MED27: variants seen among roughly 807,000 people sequenced by gnomAD.
The protein encoded by MED27 is mediator complex subunit 27.
Under a neutral mutation model 38.2 loss-of-function variants are expected in MED27, and 30 were observed. The observed-to-expected ratio is 0.79, with a 90% CI of 0.59 to 1.07. The LOEUF (loss-of-function observed/expected upper bound fraction) is 1.07. Among genes scored for constraint, MED27 ranks in the 50% least tolerant of loss-of-function variants. The pLI, the probability that MED27 is intolerant of heterozygous loss-of-function variation, is 0.00. For missense variants in MED27, 289 were observed against 397.5 expected (o/e 0.73, Z 2.32); for synonymous variants, 122 against 153.5 (o/e 0.79, Z 1.52).
At chr9:131,969,315 C>T (rs565037275) in intron 3 of MED27, among the ~76,000 whole-genome samples, 16 of 152,136 alleles carry the variant, frequency 1.1e-4, no homozygotes, top group African/African-American at 3.9e-4. Flanking sequence ...AAGACAGAAA[C>T]CAAGATATCA....
At chr9:131,886,118 G>A (rs1839136040) in intron 5 of MED27, among the ~76,000 whole-genome samples, 1 of 152,230 alleles carries the variant, frequency 6.6e-6, no homozygotes, top group African/African-American at 2.4e-5. Flanking sequence ...TGTCTATTCT[G>A]CGGAATACAC....
In MED27 at chr9:131,982,818, A is replaced by C. The variant is rs772673381; in HGVS notation, c.479+31519T>G. On this transcript the variant is annotated intron_variant, in intron 3 of 7. Transcript: ENST00000292035. The surrounding 1 kb of genome is among the most constrained non-coding windows in gnomAD (Gnocchi z 4.3). ...CTCCAACTGTAGTACAAAAGCAGCC[A>C]TATGTAATATGGAAATGAATGCGCA... Among the ~76,000 whole-genome samples, 66 of 152,244 alleles carry C rather than the reference A, an allele frequency of 4.3e-4. No homozygotes were observed. Among genetic ancestry groups the C allele is most frequent in the Non-Finnish European group, 9.0e-4 (61 of 68,046 alleles).
intron 3 of MED27, among the ~76,000 whole-genome samples, chr9:131,979,116 T>C (rs1831676341): frequency 6.6e-6 from 1 of 152,222 alleles, no homozygotes; most frequent in Non-Finnish European, 1.5e-5. Flanking sequence ...TGGGTGTCAC[T>C]TGGCATCACT....
chr9:132,051,055 C>T lies in MED27; in HGVS notation c.348+26387G>A, dbSNP rs1257712560. Among the ~76,000 whole-genome samples, 1 of 152,210 alleles carries T rather than the reference C, an allele frequency of 6.6e-6. No individual in the cohort carries two copies. The highest frequency in any genetic ancestry group is 1.5e-5 in the Non-Finnish European group (1 of 68,038). On this transcript the variant is annotated intron_variant, in intron 2 of 7. Transcript: ENST00000292035. This position sits in a 1 kb window ranked among gnomAD's most constrained non-coding sequence, Gnocchi z 4.2. ...CTATACAACTGCACATTCACCCACA[C>T]ACACTGCAGCGAATGTTCTAATGGA...
chr9:131,950,690 C>T (rs1830978977), intron 3 of MED27, among the ~76,000 whole-genome samples: 1 of 152,268 alleles, frequency 6.6e-6, no homozygotes, highest in Non-Finnish European at 1.5e-5. Context: ...ACCGCAGAAC[C>T]CCTCCTGGGA....
intron 3 of MED27, among the ~76,000 whole-genome samples, chr9:131,992,620 T>C (rs966592566): frequency 6.6e-6 from 1 of 152,184 alleles, no homozygotes; most frequent in Non-Finnish European, 1.5e-5. Context: ...CCAGCTACTT[T>C]TGAACTCCTG....
At chr9:131,949,464 C>T (rs1830947986) in intron 3 of MED27, among the ~76,000 whole-genome samples, 1 of 152,208 alleles carries the variant, frequency 6.6e-6, no homozygotes, top group Admixed American at 6.5e-5. Flanking sequence ...GGCTAAGTGA[C>T]TTGCCCAGGA....
chr9:132,065,809 C>T (rs1037321532), intron 2 of MED27, among the ~76,000 whole-genome samples: 2 of 152,192 alleles, frequency 1.3e-5, no homozygotes, highest in African/African-American at 2.4e-5. Flanking sequence ...GGGTGTCGCC[C>T]GGGGGAAAAG....
intron 4 of MED27, among the ~76,000 whole-genome samples, chr9:131,935,469 C>T (rs1830665194): frequency 6.6e-6 from 1 of 152,170 alleles, no homozygotes; most frequent in South Asian, 2.1e-4. Flanking sequence ...CCCAACATGC[C>T]TTGGCAAGAG....
chr9:131,939,975 C>T (rs1025503259), intron 3 of MED27, among the ~76,000 whole-genome samples: 2 of 148,966 alleles, frequency 1.3e-5, no homozygotes, highest in East Asian at 2.0e-4. Context: ...GGCGTGATCT[C>T]GGCTCACTGC....
chr9:131,946,079 T>C (rs2130977798), intron 3 of MED27, among the ~76,000 whole-genome samples: 1 of 152,306 alleles, frequency 6.6e-6, no homozygotes. Context: ...AATGACAAGA[T>C]TTCCTTCTTT....
At chr9:131,864,812 C>T (rs1043112113) in intron 6 of MED27, among the ~76,000 whole-genome samples, 1 of 152,258 alleles carries the variant, frequency 6.6e-6, no homozygotes, top group Non-Finnish European at 1.5e-5. Flanking sequence ...GCCTCAGTTT[C>T]CCCTTCCATA....
chr9:131,909,750 G>A (rs370657669), intron 4 of MED27, among the ~76,000 whole-genome samples: 16 of 152,304 alleles, frequency 1.1e-4, no homozygotes, highest in East Asian at 9.6e-4. Context: ...TAGCAACAAC[G>A]AGAGAGGCAA....
intron 2 of MED27, among the ~76,000 whole-genome samples, chr9:132,071,641 C>T (rs914536778): frequency 4.6e-5 from 7 of 151,410 alleles, no homozygotes; most frequent in Non-Finnish European, 8.8e-5. Flanking sequence ...ACCTCATGAA[C>T]GAACACACGC....
intron 3 of MED27, among the ~76,000 whole-genome samples, chr9:131,948,796 G>C (rs1173342744): frequency 6.6e-6 from 1 of 152,184 alleles, no homozygotes; most frequent in Non-Finnish European, 1.5e-5. Context: ...TCCTGGGAGG[G>C]AAATGGTGAC....
chr9:132,032,002 G>C (rs1832974183), intron 2 of MED27: 1 of 152,194 alleles, frequency 6.6e-6, no homozygotes, highest in African/African-American at 2.4e-5. Context: ...ACTCAAGGTT[G>C]TAGAAATAAT....
At chr9:131,994,376 C>T (rs1234950797) in intron 3 of MED27, among the ~76,000 whole-genome samples, 1 of 152,182 alleles carries the variant, frequency 6.6e-6, no homozygotes, top group East Asian at 1.9e-4. Flanking sequence ...GCACTGCCTC[C>T]CCCACCCCCA....
At chr9:131,918,843 T>A (rs909772718) in intron 4 of MED27, among the ~76,000 whole-genome samples, 6 of 152,168 alleles carry the variant, frequency 3.9e-5, no homozygotes, top group African/African-American at 1.2e-4. Flanking sequence ...GACCTGCAGG[T>A]CAGCAGAAAG....
At chr9:132,036,543 C>T (rs936513487) in intron 2 of MED27, among the ~76,000 whole-genome samples, 3 of 152,166 alleles carry the variant, frequency 2.0e-5, no homozygotes, top group African/African-American at 4.8e-5. Flanking sequence ...ATATGTCACT[C>T]GTGCCGGCAT....
Sources: gnomAD v4.1 joint callset for allele counts (sites outside exome capture counted in the v4.1 genomes callset) on GRCh38, gnomAD v4.1.1 for gene constraint, Gnocchi (gnomAD v3.1) non-coding constraint, MANE v1.5 for transcripts, NCBI Gene and HGNC (gene_info 2026-07-23, HGNC 2026-07-21) for gene names.